CATSPERG: variants seen among roughly 807,000 people sequenced by gnomAD.
The protein encoded by CATSPERG is cation channel sperm-associated auxiliary subunit gamma.
In CATSPERG, 115 loss-of-function variants were observed where a neutral mutation model predicts 145.0. The ratio of observed to expected loss-of-function variants is 0.79; its 90% CI spans 0.68 to 0.93. The LOEUF is 0.93. Among genes scored for constraint, CATSPERG ranks in the 40% least tolerant of loss-of-function variants. CATSPERG has a pLI of 0.00. For synonymous variants in CATSPERG, 588 were observed against 589.0 expected (o/e 1.00, Z 0.02); for missense variants, 1,296 against 1,490.1 (o/e 0.87, Z 2.14).
rs1371124784 is a variant in CATSPERG, at chr19:38,362,812, C to T, written c.2455C>T (p.Arg819Cys). Reference protein sequence around the residue: ...ASVKQEVLINRNSVLFSITLK... With the variant: ...ASVKQEVLINCNSVLFSITLK... ...GGTGAAGCAGGAGGTCCTGATTAAT[C>T]GCAACTCGGTGCTATTTTCGGTGAG... is the stretch of plus-strand genomic sequence containing the variant. Residue 819 changes from arginine (R) to cysteine (C), a missense_variant, in exon 20 of 29, where the codon CGC becomes TGC. Transcript: ENST00000409235. The T allele has an allele frequency of 2.5e-6, 4 of 1,612,606 alleles. No individual in the cohort carries two copies. Among genetic ancestry groups the T allele is most frequent in the Admixed American group, 1.7e-5 (1 of 59,936 alleles).
At chr19:38,343,765 G>A in intron 4 of CATSPERG, 41 bp downstream of exon 4, 3 of 1,536,666 alleles carry the variant, frequency 2.0e-6, no homozygotes, top group Non-Finnish European at 2.6e-6. Flanking sequence ...ACCTGGCAGG[G>A]GTGTGGGGTT....
At chr19:38,359,203 C>T (rs1970301221) in intron 13 of CATSPERG, among the ~76,000 whole-genome samples, 1 of 152,060 alleles carries the variant, frequency 6.6e-6, no homozygotes, top group Non-Finnish European at 1.5e-5. Flanking sequence ...CCCAGCCACC[C>T]TCTCGACCCT....
chr19:38,336,086 G>T, intron 1 of CATSPERG: 3 of 420,042 alleles, frequency 7.1e-6, no homozygotes, highest in South Asian at 3.3e-5. Flanking sequence ...AACGTGAAGG[G>T]CGAAGGGCGG....
chr19:38,347,873 G>A (rs1326289247), intron 7 of CATSPERG, among the ~76,000 whole-genome samples: 16 of 151,650 alleles, frequency 1.1e-4, no homozygotes, highest in African/African-American at 3.4e-4. Flanking sequence ...CCTGGGAGGC[G>A]GAAGTTGCAG....
intron 21 of CATSPERG, 23 bp from the exon 22 acceptor site, chr19:38,365,038 T>C: frequency 6.2e-7 from 1 of 1,614,054 alleles, no homozygotes; most frequent in Non-Finnish European, 8.5e-7. Flanking sequence ...GGGATCACCA[T>C]CTTCACCTGC....
intron 25 of CATSPERG, 79 bp downstream of exon 25, chr19:38,367,855 C>A: frequency 1.5e-6 from 2 of 1,370,648 alleles, no homozygotes; most frequent in Non-Finnish European, 2.1e-6. Context: ...AAGCCCACCT[C>A]GCAAGCCCCC....
intron 13 of CATSPERG, among the ~76,000 whole-genome samples, chr19:38,358,922 T>C (rs1052462300): frequency 2.6e-5 from 4 of 152,056 alleles, no homozygotes; most frequent in Non-Finnish European, 5.9e-5. Flanking sequence ...AAATCTCGGC[T>C]CACTGCAGCC....
chr19:38,353,391 C>A (rs1474850217), intron 8 of CATSPERG, among the ~76,000 whole-genome samples: 1 of 151,016 alleles, frequency 6.6e-6, no homozygotes, highest in African/African-American at 2.4e-5. Flanking sequence ...TCAACTTAAT[C>A]TTTAAATGAT....
chr19:38,344,905 T>TC (rs1254167216), intron 6 of CATSPERG, among the ~76,000 whole-genome samples: 8 of 105,624 alleles, frequency 7.6e-5, no homozygotes, highest in African/African-American at 2.7e-4. Flanking sequence ...ATATATATTT[T>TC]TTTTTTTTTT....
At chr19:38,351,412 T>A (rs1410115851) in intron 7 of CATSPERG, among the ~76,000 whole-genome samples, 1 of 151,950 alleles carries the variant, frequency 6.6e-6, no homozygotes, top group African/African-American at 2.4e-5. Context: ...ATCGAGACCA[T>A]CCTGGCTAAC....
At chr19:38,340,719 AAGTGATCCTCCTGCCTC>A (rs748890839) in intron 3 of CATSPERG, among the ~76,000 whole-genome samples, 12 of 152,236 alleles carry the variant, frequency 7.9e-5, no homozygotes, top group Non-Finnish European at 1.5e-5. Context: ...TCCTGGGCTG[AAGTGATCCTCCTGCCTC>A]AGCCTCCCAA....
At chr19:38,368,373 A>C (rs1359512364) in intron 26 of CATSPERG, among the ~76,000 whole-genome samples, 1 of 152,172 alleles carries the variant, frequency 6.6e-6, no homozygotes, top group Non-Finnish European at 1.5e-5. Flanking sequence ...TTTCTGTTTC[A>C]AGATGGGACA....
intron 26 of CATSPERG, among the ~76,000 whole-genome samples, chr19:38,369,026 T>C (rs1970502620): frequency 6.6e-6 from 1 of 151,838 alleles, no homozygotes; most frequent in African/African-American, 2.4e-5. Context: ...CTGGTTAACA[T>C]AGCATGTATT....
intron 7 of CATSPERG, among the ~76,000 whole-genome samples, chr19:38,349,867 G>A (rs1209246702): frequency 6.6e-6 from 1 of 152,128 alleles, no homozygotes; most frequent in East Asian, 1.9e-4. Flanking sequence ...GTTTTGCCAT[G>A]TTGGCCAGGC....
rs1969856401 is a variant in CATSPERG at position 38,337,212 on chromosome 19, G to A, written c.-14-9G>A. On this transcript the variant is annotated splice_polypyrimidine_tract_variant and intron_variant, in intron 1 of 28. Transcript: ENST00000409235. ...CCGGCGCGTGGGTGTTGACTCCTGC[G>A]TTCTCCAGGTTCTAGCCACGTTATG... The A allele has an allele frequency of 6.5e-7, 1 of 1,548,752 alleles. No individual in the cohort carries two copies.
intron 1 of CATSPERG, chr19:38,336,415 G>C (rs548888944): frequency 2.0e-4 from 69 of 336,728 alleles, no homozygotes; most frequent in South Asian, 8.0e-4. Context: ...GGAAGGAACG[G>C]GTCCATAAAG....
rs1309343486 is a variant in CATSPERG, at chr19:38,346,438, C to T, written c.670-12C>T. The T allele has an allele frequency of 1.3e-6, 2 of 1,526,378 alleles. No individual in the cohort carries two copies. The allele number at this position is 1,526,378 out of a possible 1,614,324, so 94.6% of individuals were successfully genotyped here. A position where few individuals can be genotyped will look rare whatever the true frequency, so the allele number is the denominator to read the frequency against. On this transcript the variant is annotated splice_polypyrimidine_tract_variant and intron_variant, in intron 6 of 28. Coordinates refer to ENST00000409235, the MANE Select transcript of CATSPERG (RefSeq NM_021185.5). ...GGAGAGTGTTGGCGTCCCTCCTGTC[C>T]CTCCTTGGCAGCTCTTCAACCTGAT...
chr19:38,348,943 C>T (rs554335739), intron 7 of CATSPERG: 1 of 152,126 alleles, frequency 6.6e-6, no homozygotes, highest in East Asian at 1.9e-4. Flanking sequence ...ATGCAACCAC[C>T]ACCACTATCT....
At chr19:38,336,451 T>G in intron 1 of CATSPERG, 1 of 308,636 alleles carries the variant, frequency 3.2e-6, no homozygotes, top group Non-Finnish European at 6.5e-6. Flanking sequence ...AGGGGCGCGG[T>G]CAGGAGCGGA....
Sources: gnomAD v4.1 joint callset for allele counts (sites outside exome capture counted in the v4.1 genomes callset) on GRCh38, gnomAD v4.1.1 for gene constraint, MANE v1.5 for transcripts, NCBI Gene and HGNC (gene_info 2026-07-23, HGNC 2026-07-21) for gene names.